The following EPHA3 variants were observed in gnomAD, a reference collection of about 807,000 sequenced individuals.
EPHA3 encodes the protein EPH receptor A3.
Under a neutral mutation model 107.1 loss-of-function variants are expected in EPHA3, and 42 were observed. The observed-to-expected ratio is 0.39, with a 90% CI of 0.31 to 0.51. The LOEUF is 0.51. Ranked by LOEUF, EPHA3 falls within the 20% of genes least tolerant of loss-of-function variation. The pLI is 0.78. For missense variants in EPHA3, 1,183 were observed against 1,211.2 expected (o/e 0.98, Z 0.35); for synonymous variants, 461 against 424.8 (o/e 1.09, Z -1.05).
chr3:89,386,673 C>A (rs540001885), intron 5 of EPHA3, among the ~76,000 whole-genome samples: 1 of 152,120 alleles, frequency 6.6e-6, no homozygotes, highest in Non-Finnish European at 1.5e-5. Flanking sequence ...TCCTCTAGAC[C>A]CCAGAATGGT....
At chr3:89,363,364 A>C (rs1708132946) in intron 5 of EPHA3, among the ~76,000 whole-genome samples, 1 of 150,786 alleles carries the variant, frequency 6.6e-6, no homozygotes, top group South Asian at 2.1e-4. Context: ...CACAGACTGC[A>C]GGGTAAGCTG....
chr3:89,395,869 C>A lies in EPHA3; in HGVS notation c.1339C>A (p.Arg447=). The A allele has an allele frequency of 4.3e-6, 7 of 1,613,984 alleles. No homozygotes were observed. Among genetic ancestry groups the A allele is most frequent in the Non-Finnish European group, 5.9e-6 (7 of 1,179,952 alleles). The change falls in exon 6 of 17, where the codon CGG becomes AGG. Residue 447 remains arginine, a synonymous_variant. Coordinates refer to ENST00000336596, the MANE Select transcript of EPHA3 (RefSeq NM_005233.6). Reference sequence around the variant, plus strand: ...ACCTGTCCTGACGATTAAGAAAGATCGGACCTCCAGAAATAGCATCTCTTT... The same window carrying A: ...ACCTGTCCTGACGATTAAGAAAGATAGGACCTCCAGAAATAGCATCTCTTT... The part of the protein sequence containing the change: ...PSPVLTIKKD[R]TSRNSISLSW...
At chr3:89,124,525 AGT>A (rs1012944371) in intron 1 of EPHA3, among the ~76,000 whole-genome samples, 21 of 152,104 alleles carry the variant, frequency 1.4e-4, no homozygotes, top group Non-Finnish European at 3.1e-4. Flanking sequence ...GTGCTTTTAA[AGT>A]GTGTTTTGAA....
At chr3:89,209,497 A>AT (rs1199672241) in intron 2 of EPHA3, among the ~76,000 whole-genome samples, 6 of 152,064 alleles carry the variant, frequency 3.9e-5, no homozygotes, top group African/African-American at 2.4e-5. Context: ...AGTATTATTA[A>AT]TTTTTTCTTT....
At chr3:89,411,811 C>T (rs1370891426) in intron 9 of EPHA3, among the ~76,000 whole-genome samples, 1 of 151,830 alleles carries the variant, frequency 6.6e-6, no homozygotes, top group South Asian at 2.1e-4. Context: ...ATACAAACTA[C>T]AAAACTAACT....
chr3:89,276,994 A>C (rs1559629227), intron 3 of EPHA3, among the ~76,000 whole-genome samples: 1 of 152,106 alleles, frequency 6.6e-6, no homozygotes, highest in Non-Finnish European at 1.5e-5. Context: ...TAATTGCATG[A>C]ATATCCATAT....
chr3:89,188,285 A>G (rs780409405), intron 2 of EPHA3, among the ~76,000 whole-genome samples: 7 of 152,178 alleles, frequency 4.6e-5, no homozygotes, highest in Non-Finnish European at 1.0e-4. Flanking sequence ...AATGACACCC[A>G]TGTTGCCAAA....
intron 1 of EPHA3, among the ~76,000 whole-genome samples, chr3:89,113,604 A>C (rs1276861542): frequency 6.6e-6 from 1 of 151,864 alleles, no homozygotes; most frequent in Admixed American, 6.6e-5. Flanking sequence ...AAGTAGAGAA[A>C]AGCAAAGGTT....
At chr3:89,457,361 C>T (rs1368178805) in intron 15 of EPHA3, among the ~76,000 whole-genome samples, 1 of 152,200 alleles carries the variant, frequency 6.6e-6, no homozygotes. Flanking sequence ...AGAAGGCAAA[C>T]GGCGGGCTGG....
chr3:89,363,031 A>C (rs1396684906), intron 5 of EPHA3, among the ~76,000 whole-genome samples: 7 of 150,964 alleles, frequency 4.6e-5, no homozygotes, highest in African/African-American at 1.5e-4. Context: ...TTATCATTTC[A>C]TCTTATATAA....
intron 5 of EPHA3, among the ~76,000 whole-genome samples, chr3:89,347,035 T>A (rs1707677827): frequency 7.0e-6 from 1 of 142,728 alleles, no homozygotes. Context: ...GTAGTATAGT[T>A]TGAAGTCAGG....
chr3:89,392,244 A>G (rs760079666), intron 5 of EPHA3, among the ~76,000 whole-genome samples: 32 of 152,116 alleles, frequency 2.1e-4, no homozygotes, highest in Non-Finnish European at 4.6e-4. Context: ...GTTCGAGACC[A>G]GCCTTGCCAA....
chr3:89,113,497 A>G (rs1185454242), intron 1 of EPHA3, among the ~76,000 whole-genome samples: 4 of 146,470 alleles, frequency 2.7e-5, no homozygotes, highest in Non-Finnish European at 6.0e-5. Flanking sequence ...AAAAAAAAAA[A>G]AAAAAAAAAA....
At chr3:89,314,460 T>C (rs903203261) in intron 3 of EPHA3, among the ~76,000 whole-genome samples, 6 of 151,988 alleles carry the variant, frequency 3.9e-5, no homozygotes, top group Non-Finnish European at 8.8e-5. Context: ...ATCTATACTG[T>C]ATTAATCAAA....
intron 1 of EPHA3, among the ~76,000 whole-genome samples, chr3:89,114,817 C>T (rs1029616639): frequency 5.3e-5 from 8 of 152,214 alleles, no homozygotes; most frequent in African/African-American, 1.9e-4. Flanking sequence ...GAGAGCACGG[C>T]GTACTCCTTG....
In EPHA3 at chr3:89,134,416, G is replaced by T. The variant is rs186151664; in HGVS notation, c.153+7143G>T. Among the ~76,000 whole-genome samples the T allele has an allele frequency of 1.0e-2, 1,442 of 144,912 alleles. 16 individuals carry two copies. The highest frequency in any genetic ancestry group is 0.012 in the Non-Finnish European group (817 of 65,670). ...TGGTGTGTGATGTCCCCCTTCCTGT[G>T]TCCAAGTGTTCTCATTGTTCAGTTC... is the stretch of plus-strand genomic sequence containing the variant. On this transcript the variant is annotated intron_variant, in intron 2 of 16. Transcript: ENST00000336596.
rs377543078 is a variant in EPHA3, at chr3:89,107,960, T to C, written c.88+124T>C. ...CGAATAGAGCAGTTTGCTCTGAGAG[T>C]GAAGGAAAGATGTGCCTTTTTTTTT... On this transcript the variant is annotated intron_variant, in intron 1 of 16. Coordinates refer to ENST00000336596, the MANE Select transcript of EPHA3 (RefSeq NM_005233.6). 274 of 824,172 alleles carry C rather than the reference T, an allele frequency of 3.3e-4. 2 individuals carry two copies. The African/African-American group carries it at 4.1e-3, about 12-fold the overall frequency. 51.1% of individuals were successfully genotyped at this position (824,172 alleles called of 1,614,324 possible).
At chr3:89,170,480 G>A (rs1559761871) in intron 2 of EPHA3, among the ~76,000 whole-genome samples, 1 of 152,090 alleles carries the variant, frequency 6.6e-6, no homozygotes, top group African/African-American at 2.4e-5. Flanking sequence ...CGGTGGTCTG[G>A]GAGTGAAGAT....
At chr3:89,153,891 C>CCTG (rs1704738916) in intron 2 of EPHA3, among the ~76,000 whole-genome samples, 2 of 152,016 alleles carry the variant, frequency 1.3e-5, no homozygotes, top group Non-Finnish European at 2.9e-5. Context: ...ACATCTGTGA[C>CCTG]CTGCTCCTCT....
Sources: allele counts gnomAD v4.1 joint callset (sites outside exome capture counted in the v4.1 genomes callset), GRCh38; gene constraint gnomAD v4.1.1; transcripts MANE v1.5; gene names NCBI Gene and HGNC (gene_info 2026-07-23, HGNC 2026-07-21).